The following ANKRD62 variants were observed in gnomAD, a reference collection of about 807,000 sequenced individuals.
ANKRD62 encodes ankyrin repeat domain 62, also known as ankyrin repeat domain-containing protein 62.
ANKRD62 carries 61 observed loss-of-function variants against 98.8 expected under a neutral mutation model. The observed-to-expected ratio is 0.62, with a 90% confidence interval of 0.50 to 0.76. ANKRD62 has a LOEUF of 0.76. ANKRD62 is among the 30% of genes least tolerant of loss of function. The probability of loss-of-function intolerance (pLI) is 0.00; values close to 1 mark genes in which losing one functional copy is unlikely to be tolerated. For missense variants in ANKRD62, 933 were observed against 1,082.9 expected (o/e 0.86, Z 1.94); for synonymous variants, 341 against 367.9 (o/e 0.93, Z 0.84).
At chr18:12,131,277 G>C (rs191769651), downstream of ANKRD62, among the ~76,000 whole-genome samples, 232 of 152,266 alleles carry the variant, frequency 1.5e-3, 1 homozygote, top group African/African-American at 5.4e-3. Flanking sequence ...AAACATAACT[G>C]CAGAAGTAGA....
At chr18:12,140,414 A>T in the ANKRD62 span, among the ~76,000 whole-genome samples, 1 of 152,204 alleles carries the variant, frequency 6.6e-6, no homozygotes, top group Admixed American at 6.5e-5. Context: ...TTGGAGGAGA[A>T]GAGGCACTCT....
intron 11 of ANKRD62, among the ~76,000 whole-genome samples, chr18:12,123,504 T>A (rs1225433636): frequency 6.6e-6 from 1 of 152,244 alleles, no homozygotes; most frequent in Non-Finnish European, 1.5e-5. Context: ...AAATATTAGA[T>A]CTTGTCTTGT....
the ANKRD62 span, among the ~76,000 whole-genome samples, chr18:12,169,938 T>G: frequency 6.6e-6 from 1 of 152,238 alleles, no homozygotes; most frequent in Non-Finnish European, 1.5e-5. Context: ...TAGTATTCTC[T>G]GATGGTAGTT....
chr18:12,139,220 C>T, the ANKRD62 span, among the ~76,000 whole-genome samples: 1 of 152,120 alleles, frequency 6.6e-6, no homozygotes, highest in Non-Finnish European at 1.5e-5. Flanking sequence ...CCTTCAGGAG[C>T]TCTTTTAGGG....
At position 12,094,068 on chromosome 18, in the gene ANKRD62, C is replaced by T. The variant is rs764603756; in HGVS notation, c.51C>T (p.Thr17=). The T allele has an allele frequency of 2.6e-6, 4 of 1,535,132 alleles. No individual in the cohort carries two copies. The highest frequency in any genetic ancestry group is 1.7e-4 in the Middle Eastern group (1 of 5,984). Residue 17 remains threonine (T), a synonymous_variant, in exon 1 of 14, where the codon ACC becomes ACT. Coordinates refer to ENST00000587848, the MANE Select transcript of ANKRD62 (RefSeq NM_001277333.2). ...FLAACRRRMA[T]WRKNRDKDGF... ...CGGCCTGCAGGAGACGCATGGCTACCTGGAGGAAGAATCGTGACAAGGATG... is the reference window on the plus strand; with the variant it reads ...CGGCCTGCAGGAGACGCATGGCTACTTGGAGGAAGAATCGTGACAAGGATG...
chr18:12,159,289 A>C, the ANKRD62 span, among the ~76,000 whole-genome samples: 3 of 152,190 alleles, frequency 2.0e-5, no homozygotes, highest in African/African-American at 7.2e-5. Context: ...TCTTTAACAC[A>C]TACTGGTATA....
At chr18:12,114,598 G>GACTT (rs1909618611) in intron 8 of ANKRD62, among the ~76,000 whole-genome samples, 4 of 152,178 alleles carry the variant, frequency 2.6e-5, no homozygotes, top group African/African-American at 9.6e-5. Flanking sequence ...GGATTTAAAT[G>GACTT]ACTTAAATAC....
chr18:12,122,831 T>G (rs772606181), intron 11 of ANKRD62, among the ~76,000 whole-genome samples: 6 of 152,182 alleles, frequency 3.9e-5, no homozygotes, highest in Non-Finnish European at 7.4e-5. Context: ...ATCTTACAGA[T>G]CCATAGTTTT....
chr18:12,115,028 T>G lies in ANKRD62; in HGVS notation c.1065-60T>G. On this transcript the variant is annotated intron_variant, in intron 8 of 13. Coordinates refer to ENST00000587848, the MANE Select transcript of ANKRD62 (RefSeq NM_001277333.2). ...ATTTTATATAAAAAAGTTTTAGATA[T>G]TCTTTGTATTTTACATATTTACTAT... 3.2e-6 allele frequency: 4 copies of G among 1,245,650 alleles called. No homozygotes were observed. The South Asian group carries it at 7.8e-5, about 24-fold the overall frequency. 77.2% of individuals were successfully genotyped at this position (1,245,650 alleles called of 1,614,324 possible). A position where few individuals can be genotyped will look rare whatever the true frequency, so the allele number is the denominator to read the frequency against.
chr18:12,165,287 A>T, the ANKRD62 span, among the ~76,000 whole-genome samples: 1 of 151,960 alleles, frequency 6.6e-6, no homozygotes, highest in African/African-American at 2.4e-5. Context: ...GTTATTATTG[A>T]TATGTAAACA....
chr18:12,134,517 C>T (rs1910051638), downstream of ANKRD62, among the ~76,000 whole-genome samples: 1 of 152,124 alleles, frequency 6.6e-6, no homozygotes, highest in Non-Finnish European at 1.5e-5. Context: ...AATGCTATCC[C>T]TCCCACCTAC....
chr18:12,108,996 A>G (rs1909476454), intron 8 of ANKRD62, among the ~76,000 whole-genome samples: 1 of 152,126 alleles, frequency 6.6e-6, no homozygotes, highest in African/African-American at 2.4e-5. Context: ...GGCTGCTTTC[A>G]CAGTCTGATG....
At chr18:12,099,733 AAGT>A in intron 6 of ANKRD62, 51 bp downstream of exon 6, 1 of 1,074,576 alleles carries the variant, frequency 9.3e-7, no homozygotes, top group South Asian at 2.4e-5. Flanking sequence ...ATAGATAAAA[AAGT>A]AAGAGGAAGG....
At chr18:12,139,432 C>G in the ANKRD62 span, among the ~76,000 whole-genome samples, 4 of 151,992 alleles carry the variant, frequency 2.6e-5, no homozygotes, top group Non-Finnish European at 4.4e-5. Flanking sequence ...ATCACGAGGT[C>G]AGGAGATCGA....
At position 12,115,295 on chromosome 18, in the gene ANKRD62, T is replaced by G. The variant is rs1909636946; in HGVS notation, c.1099-98T>G. 7 of 1,324,168 alleles carry G rather than the reference T, an allele frequency of 5.3e-6. No homozygotes were observed. In the South Asian group the frequency reaches 1.2e-4, roughly 23 times the overall value. 82.0% of individuals were successfully genotyped at this position (1,324,168 alleles called of 1,614,324 possible). ...TTATTTTAAGAAGTACCTGTGTTTT[T>G]GCTCATGTAAAAAGACGGATAATTC... On this transcript the variant is annotated intron_variant, in intron 9 of 13. Transcript: ENST00000587848.
chr18:12,133,544 A>G (rs1910037238), downstream of ANKRD62, among the ~76,000 whole-genome samples: 1 of 152,016 alleles, frequency 6.6e-6, no homozygotes, highest in Admixed American at 6.6e-5. Flanking sequence ...CTTTTCCAGT[A>G]TTTATTTTTC....
chr18:12,135,384 A>C, the ANKRD62 span, among the ~76,000 whole-genome samples: 1 of 150,940 alleles, frequency 6.6e-6, no homozygotes, highest in African/African-American at 2.5e-5. Flanking sequence ...ATCATTTTTT[A>C]TGGCTGCATA....
the ANKRD62 span, among the ~76,000 whole-genome samples, chr18:12,167,259 A>T: frequency 6.6e-5 from 10 of 151,146 alleles, no homozygotes; most frequent in Middle Eastern, 3.4e-3. Context: ...TACATTAAGT[A>T]TTTCTCCTAA....
At chr18:12,173,169 C>G in the ANKRD62 span, among the ~76,000 whole-genome samples, 1 of 152,240 alleles carries the variant, frequency 6.6e-6, no homozygotes, top group African/African-American at 2.4e-5. Flanking sequence ...CAGAAATCAC[C>G]TGTCTTCTGC....
Sources: allele counts gnomAD v4.1 joint callset (sites outside exome capture counted in the v4.1 genomes callset), GRCh38; gene constraint gnomAD v4.1.1; transcripts MANE v1.5; gene names NCBI Gene and HGNC (gene_info 2026-07-23, HGNC 2026-07-21).